The following ANKS1B variants were observed in gnomAD, a reference collection of about 807,000 sequenced individuals.
The protein encoded by ANKS1B is ankyrin repeat and sterile alpha motif domain containing 1B, also known as ankyrin repeat and sterile alpha motif domain-containing protein 1B.
Under a neutral mutation model 148.3 loss-of-function variants are expected in ANKS1B, and 36 were observed. The ratio of observed to expected loss-of-function variants is 0.24; its 90% confidence interval spans 0.19 to 0.32. The LOEUF (loss-of-function observed/expected upper bound fraction) is 0.32. Among genes scored for constraint, ANKS1B ranks in the 10% least tolerant of loss-of-function variants. ANKS1B has a pLI of 1.00. For missense variants in ANKS1B, 1,157 were observed against 1,542.6 expected (o/e 0.75, Z 4.19); for synonymous variants, 542 against 560.8 (o/e 0.97, Z 0.47).
intron 25 of ANKS1B, among the ~76,000 whole-genome samples, chr12:98,768,890 C>G (rs1389895635): frequency 2.0e-5 from 3 of 146,716 alleles, no homozygotes; most frequent in East Asian, 2.1e-4. Context: ...GTAGGGGGGG[C>G]TCCAGGCCTC....
At chr12:98,835,442 T>C (rs7314395) in intron 17 of ANKS1B, among the ~76,000 whole-genome samples, 52,536 of 152,074 alleles carry the variant, frequency 0.35, 9,498 homozygotes, top group Admixed American at 0.41. Flanking sequence ...CAAGGACTTG[T>C]TCATTGTCAT....
At chr12:99,115,806 C>T (rs1366567974) in intron 15 of ANKS1B, among the ~76,000 whole-genome samples, 1 of 151,918 alleles carries the variant, frequency 6.6e-6, no homozygotes, top group Non-Finnish European at 1.5e-5. Flanking sequence ...GTGGCGCATG[C>T]CTGTAATCCC....
chr12:99,575,608 C>T (rs1052521481), intron 9 of ANKS1B, among the ~76,000 whole-genome samples: 1 of 151,966 alleles, frequency 6.6e-6, no homozygotes, highest in African/African-American at 2.4e-5. Flanking sequence ...GGGGAAACCC[C>T]TTATCAAATC....
At chr12:99,661,725 T>C (rs1479955327) in intron 8 of ANKS1B, among the ~76,000 whole-genome samples, 1 of 152,210 alleles carries the variant, frequency 6.6e-6, no homozygotes, top group Non-Finnish European at 1.5e-5. Context: ...AGTAACACCT[T>C]CTTTTATTCT....
At chr12:99,400,718 T>A (rs1295932499) in intron 11 of ANKS1B, among the ~76,000 whole-genome samples, 1 of 145,250 alleles carries the variant, frequency 6.9e-6, no homozygotes, top group Non-Finnish European at 1.5e-5. Flanking sequence ...ACTAAAAATC[T>A]CTTATAATAA....
chr12:99,136,467 T>C (rs1459955846), intron 15 of ANKS1B, among the ~76,000 whole-genome samples: 1 of 152,150 alleles, frequency 6.6e-6, no homozygotes, highest in Non-Finnish European at 1.5e-5. Flanking sequence ...TAAGTTGACT[T>C]GAAACACACA....
At chr12:99,747,051 C>T (rs940528014) in intron 8 of ANKS1B, among the ~76,000 whole-genome samples, 9 of 152,036 alleles carry the variant, frequency 5.9e-5, no homozygotes, top group Non-Finnish European at 1.2e-4. Context: ...ATTCTTCACA[C>T]TCCCAAAAAT....
At position 99,875,779 on chromosome 12, in the gene ANKS1B, C is replaced by T. The variant is rs79743717; in HGVS notation, c.135-50390G>A. ...AGCAGATGTTTACTGTGTGTCTCCA[C>T]GTGCAAAGCTCTCTAACAAGCACTG... is the stretch of plus-strand genomic sequence containing the variant. On this transcript the variant is annotated intron_variant, in intron 1 of 26. Transcript: ENST00000683438. Among the ~76,000 whole-genome samples the T allele has an allele frequency of 1.3e-3, 197 of 152,306 alleles. 1 individual carries two copies. Among genetic ancestry groups the T allele is most frequent in the African/African-American group, 3.6e-3 (148 of 41,572 alleles).
chr12:99,623,311 GA>G (rs112518712), intron 9 of ANKS1B, among the ~76,000 whole-genome samples: 9,046 of 151,926 alleles, frequency 0.06, 440 homozygotes, highest in East Asian at 0.24. Flanking sequence ...TCTGAACAGG[GA>G]AAAAATTGAA....
intron 5 of ANKS1B, among the ~76,000 whole-genome samples, chr12:99,780,935 G>A (rs1255247407): frequency 1.3e-5 from 2 of 152,052 alleles, no homozygotes; most frequent in Admixed American, 6.6e-5. Flanking sequence ...ACTTACTGAA[G>A]TGTGTAACTA....
intron 10 of ANKS1B, among the ~76,000 whole-genome samples, chr12:99,453,400 C>T (rs566773907): frequency 6.6e-6 from 1 of 152,168 alleles, no homozygotes; most frequent in Non-Finnish European, 1.5e-5. Context: ...CTTCTCAGAT[C>T]TCTTGCACTG....
At chr12:98,837,502 C>T (rs2099380055) in intron 17 of ANKS1B, among the ~76,000 whole-genome samples, 1 of 152,078 alleles carries the variant, frequency 6.6e-6, no homozygotes, top group Admixed American at 6.5e-5. Flanking sequence ...CAGCAGTAGC[C>T]GCCTCCAGGA....
At chr12:98,755,014 A>G (rs1030386789) in intron 25 of ANKS1B, among the ~76,000 whole-genome samples, 1 of 152,110 alleles carries the variant, frequency 6.6e-6, no homozygotes, top group East Asian at 1.9e-4. Flanking sequence ...TCTTGTCTGC[A>G]GCCCTCCTGT....
chr12:99,831,210 T>A (rs1451881973), intron 1 of ANKS1B, among the ~76,000 whole-genome samples: 1 of 146,958 alleles, frequency 6.8e-6, no homozygotes, highest in East Asian at 2.0e-4. Flanking sequence ...AATGTCAACC[T>A]CACTGGCAAT....
chr12:98,806,491 G>A (rs1320244804), intron 20 of ANKS1B, among the ~76,000 whole-genome samples: 1 of 152,032 alleles, frequency 6.6e-6, no homozygotes, highest in Non-Finnish European at 1.5e-5. Flanking sequence ...TTGTTTTAAG[G>A]TTTTACTTTC....
chr12:99,167,016 G>T (rs2077247654), intron 14 of ANKS1B, among the ~76,000 whole-genome samples: 2 of 152,026 alleles, frequency 1.3e-5, no homozygotes, highest in South Asian at 4.1e-4. Flanking sequence ...GTAAAGAAAG[G>T]AGAGACTTTT....
intron 17 of ANKS1B, among the ~76,000 whole-genome samples, chr12:98,929,471 A>C (rs958076050): frequency 7.2e-5 from 11 of 152,072 alleles, no homozygotes; most frequent in African/African-American, 1.4e-4. Flanking sequence ...GATAGCCACA[A>C]AAATCTTGAG....
intron 17 of ANKS1B, among the ~76,000 whole-genome samples, chr12:99,003,742 G>A (rs768247515): frequency 3.3e-5 from 5 of 152,240 alleles, no homozygotes; most frequent in African/African-American, 4.8e-5. Context: ...AGAGCTGCAC[G>A]CATGGGCAGA....
Position 99,604,938 on chromosome 12 carries a change from G to C in ANKS1B, c.1272+50129C>G, listed in dbSNP as rs374047516. Among the ~76,000 whole-genome samples, 283 of 151,132 alleles carry C rather than the reference G, an allele frequency of 1.9e-3. 11 individuals are homozygous for C. In the South Asian group the frequency reaches 0.049, roughly 26 times the overall value. On this transcript the variant is annotated intron_variant, in intron 9 of 26. Transcript: ENST00000683438. ...AACTCAGTTTTCTTAAGTAATCAAA[G>C]ACTAATATGTGACCACATGAAATAA...
Sources: gnomAD v4.1 joint callset for allele counts (sites outside exome capture counted in the v4.1 genomes callset) on GRCh38, gnomAD v4.1.1 for gene constraint, MANE v1.5 for transcripts, NCBI Gene and HGNC (gene_info 2026-07-23, HGNC 2026-07-21) for gene names.